The following GUCY1A2 variants were observed in gnomAD, a reference collection of about 807,000 sequenced individuals.
The protein encoded by GUCY1A2 is guanylate cyclase 1 soluble subunit alpha 2.
GUCY1A2 carries 27 observed loss-of-function variants against 63.5 expected under a neutral mutation model. The ratio of observed to expected loss-of-function variants is 0.43; its 90% confidence interval spans 0.31 to 0.59. The LOEUF (loss-of-function observed/expected upper bound fraction) is 0.59, where lower values mean the gene tolerates loss of function less well. Among genes scored for constraint, GUCY1A2 ranks in the 20% least tolerant of loss-of-function variants. The pLI is 0.11. For missense variants in GUCY1A2, 768 were observed against 913.3 expected (o/e 0.84, Z 2.05); for synonymous variants, 364 against 343.5 (o/e 1.06, Z -0.66).
intron 6 of GUCY1A2, among the ~76,000 whole-genome samples, chr11:106,733,394 A>G (rs988419561): frequency 2.6e-5 from 4 of 152,160 alleles, no homozygotes; most frequent in African/African-American, 7.2e-5. Context: ...ATATGTTGGT[A>G]CCAGACTGTA....
intron 4 of GUCY1A2, chr11:106,824,823 T>C: frequency 6.3e-7 from 1 of 1,598,958 alleles, no homozygotes; most frequent in Non-Finnish European, 8.5e-7. Context: ...GTCTCAAACT[T>C]GTCATTCTGA....
At chr11:106,852,592 A>G (rs985456532) in intron 4 of GUCY1A2, among the ~76,000 whole-genome samples, 1 of 152,056 alleles carries the variant, frequency 6.6e-6, no homozygotes, top group Non-Finnish European at 1.5e-5. Flanking sequence ...CCTTCATTCT[A>G]TTGATGTAAC....
chr11:107,002,737 G>A (rs1350150692), intron 1 of GUCY1A2, among the ~76,000 whole-genome samples: 1 of 152,080 alleles, frequency 6.6e-6, no homozygotes, highest in Non-Finnish European at 1.5e-5. Flanking sequence ...CAGTGCAGCT[G>A]CCATCATTAA....
chr11:106,879,124 G>A (rs1052648603), intron 4 of GUCY1A2, among the ~76,000 whole-genome samples: 33 of 152,136 alleles, frequency 2.2e-4, no homozygotes, highest in Middle Eastern at 3.4e-3. Flanking sequence ...TTTTTAGTGC[G>A]TTAATTGTCT....
chr11:106,689,607 G>GA (rs1862586278), intron 7 of GUCY1A2, among the ~76,000 whole-genome samples: 1 of 152,022 alleles, frequency 6.6e-6, no homozygotes, highest in Admixed American at 6.6e-5. Flanking sequence ...ACACGTATAT[G>GA]AAAAAAAGCT....
At chr11:106,702,528 CT>C (rs1408827529) in intron 7 of GUCY1A2, among the ~76,000 whole-genome samples, 1 of 152,126 alleles carries the variant, frequency 6.6e-6, no homozygotes, top group East Asian at 1.9e-4. Flanking sequence ...TCTTAGTCTT[CT>C]CAAGCCAAGG....
chr11:106,705,730 C>T (rs540080262), intron 7 of GUCY1A2, among the ~76,000 whole-genome samples: 11 of 152,006 alleles, frequency 7.2e-5, no homozygotes, highest in South Asian at 6.2e-4. Flanking sequence ...TGTGGTGGCA[C>T]GCACCTGTAG....
intron 3 of GUCY1A2, among the ~76,000 whole-genome samples, chr11:106,970,130 A>T (rs12574600): frequency 0.089 from 13,469 of 152,156 alleles, 1,277 homozygotes; most frequent in East Asian, 0.3. Context: ...ATCTTAACTC[A>T]GGCAAGCTGG....
chr11:106,823,991 C>T (rs926699271), intron 4 of GUCY1A2: 1 of 892,682 alleles, frequency 1.1e-6, no homozygotes, highest in South Asian at 2.7e-5. Flanking sequence ...ATAGTTATTG[C>T]TTTTATAAAT....
At chr11:106,868,674 C>T (rs1426219039) in intron 4 of GUCY1A2, among the ~76,000 whole-genome samples, 3 of 151,940 alleles carry the variant, frequency 2.0e-5, no homozygotes, top group East Asian at 1.9e-4. Context: ...GAAAATGGCC[C>T]TACTGCCCAA....
chr11:106,702,636 C>CA (rs1441283612), intron 7 of GUCY1A2, among the ~76,000 whole-genome samples: 1 of 151,984 alleles, frequency 6.6e-6, no homozygotes, highest in Non-Finnish European at 1.5e-5. Flanking sequence ...AAATCCTTTA[C>CA]AGGCCAGAGG....
intron 4 of GUCY1A2, among the ~76,000 whole-genome samples, chr11:106,935,245 T>A (rs1411127344): frequency 6.6e-6 from 1 of 151,994 alleles, no homozygotes; most frequent in Non-Finnish European, 1.5e-5. Flanking sequence ...AGGCAGTAAG[T>A]GAATAGGGGA....
At chr11:106,730,921 A>G (rs1006502573) in intron 6 of GUCY1A2, among the ~76,000 whole-genome samples, 2 of 152,050 alleles carry the variant, frequency 1.3e-5, no homozygotes, top group Admixed American at 1.3e-4. Flanking sequence ...TCTTCTTTTG[A>G]AAAGTGTCTG....
intron 1 of GUCY1A2, among the ~76,000 whole-genome samples, chr11:107,010,354 G>A (rs908260476): frequency 1.3e-5 from 2 of 152,158 alleles, no homozygotes; most frequent in African/African-American, 4.8e-5. Flanking sequence ...CCTACTTGTT[G>A]ACAAACATTT....
At chr11:106,730,095 T>TATATATATATATATAG (rs1863476546) in intron 6 of GUCY1A2, among the ~76,000 whole-genome samples, 1 of 121,746 alleles carries the variant, frequency 8.2e-6, no homozygotes, top group Non-Finnish European at 1.8e-5. Context: ...TATATATATA[T>TATATATATATATATAG]TATAGTATAT....
chr11:106,842,167 AC>A (rs1565307069), intron 4 of GUCY1A2, among the ~76,000 whole-genome samples: 2 of 151,904 alleles, frequency 1.3e-5, no homozygotes, highest in Non-Finnish European at 1.5e-5. Flanking sequence ...AAGAGATCCC[AC>A]AGTGGGCCCT....
intron 4 of GUCY1A2, among the ~76,000 whole-genome samples, chr11:106,828,162 A>AT (rs1018202744): frequency 1.4e-4 from 21 of 150,998 alleles, no homozygotes; most frequent in African/African-American, 5.1e-4. Context: ...CTGTTTGTTG[A>AT]TTTTTTTCTT....
At chr11:106,741,578 G>A (rs1319128521) in intron 6 of GUCY1A2, among the ~76,000 whole-genome samples, 2 of 152,186 alleles carry the variant, frequency 1.3e-5, no homozygotes, top group Non-Finnish European at 2.9e-5. Flanking sequence ...TAAATTATTG[G>A]AAATAGAGGA....
At chr11:106,775,827 G>T (rs1864347819) in intron 6 of GUCY1A2, among the ~76,000 whole-genome samples, 1 of 152,030 alleles carries the variant, frequency 6.6e-6, no homozygotes, top group South Asian at 2.1e-4. Context: ...CCATCACTGG[G>T]CTCAAGCAGA....
Sources: allele counts gnomAD v4.1 joint callset (sites outside exome capture counted in the v4.1 genomes callset), GRCh38; gene constraint gnomAD v4.1.1; transcripts MANE v1.5; gene names NCBI Gene and HGNC (gene_info 2026-07-23, HGNC 2026-07-21).